ETV6: variants seen among roughly 807,000 people sequenced by gnomAD.
The protein encoded by ETV6 is ETS variant transcription factor 6.
A neutral mutation model predicts 51.1 loss-of-function variants in ETV6; 16 were observed. The ratio of observed to expected loss-of-function variants is 0.31; its 90% CI spans 0.21 to 0.48. The LOEUF is 0.48. Ranked by LOEUF, ETV6 falls within the 20% of genes least tolerant of loss-of-function variation. The pLI is 0.99. For synonymous variants in ETV6, 240 were observed against 224.1 expected (o/e 1.07, Z -0.64); for missense variants, 458 against 594.8 (o/e 0.77, Z 2.39).
intron 1 of ETV6, among the ~76,000 whole-genome samples, chr12:11,666,794 G>A (rs1183323062): frequency 6.6e-6 from 1 of 152,200 alleles, no homozygotes; most frequent in South Asian, 2.1e-4. Context: ...TTTCCTGACC[G>A]CCTGCTGGGG....
intron 1 of ETV6, among the ~76,000 whole-genome samples, chr12:11,702,097 CAG>C (rs949489623): frequency 3.5e-4 from 54 of 152,122 alleles, no homozygotes; most frequent in South Asian, 8.3e-4. Flanking sequence ...TGTGGGTTGA[CAG>C]GGGGGTGTGA....
intron 1 of ETV6, among the ~76,000 whole-genome samples, chr12:11,728,578 T>C (rs1865535008): frequency 6.6e-6 from 1 of 152,012 alleles, no homozygotes; most frequent in East Asian, 1.9e-4. Context: ...CGTGGAAAAA[T>C]GTTCTTCCAC....
chr12:11,714,649 GAAAAAAAAAAAAAA>G (rs10709538), intron 1 of ETV6, among the ~76,000 whole-genome samples: 3 of 87,090 alleles, frequency 3.4e-5, no homozygotes, highest in African/African-American at 1.5e-4. Flanking sequence ...ACCTTGAGGT[GAAAAAAAAAAAAAA>G]AAAAAAAAAG....
chr12:11,740,590 G>A (rs981977123), intron 1 of ETV6, among the ~76,000 whole-genome samples: 1 of 151,962 alleles, frequency 6.6e-6, no homozygotes, highest in Non-Finnish European at 1.5e-5. Context: ...GTTTAGAATT[G>A]CATTTTGTCT....
intron 2 of ETV6, among the ~76,000 whole-genome samples, chr12:11,809,165 C>A (rs202036168): frequency 3.5e-3 from 463 of 131,970 alleles, no homozygotes; most frequent in African/African-American, 4.2e-3. Context: ...GACCCTGTGT[C>A]AAAAAAAAAA....
intron 1 of ETV6, among the ~76,000 whole-genome samples, chr12:11,665,022 A>G (rs1334496992): frequency 6.6e-6 from 1 of 152,158 alleles, no homozygotes; most frequent in African/African-American, 2.4e-5. Flanking sequence ...CACATAATGA[A>G]CTTTTTTCTC....
At chr12:11,841,766 A>G (rs1263959774) in intron 3 of ETV6, among the ~76,000 whole-genome samples, 9 of 152,178 alleles carry the variant, frequency 5.9e-5, no homozygotes, top group Admixed American at 5.9e-4. Flanking sequence ...GGCAAACAAG[A>G]AGGAGATGAG....
intron 2 of ETV6, among the ~76,000 whole-genome samples, chr12:11,757,107 G>A (rs1049822882): frequency 3.9e-5 from 6 of 152,054 alleles, no homozygotes; most frequent in African/African-American, 1.2e-4. Context: ...CATAATAGCC[G>A]CTCGGCGTTT....
At chr12:11,751,984 A>G in intron 1 of ETV6, 1 of 331,968 alleles carries the variant, frequency 3.0e-6, no homozygotes, top group Non-Finnish European at 6.0e-6. Flanking sequence ...TGATCAGCTC[A>G]CTATGGAAGT....
intron 1 of ETV6, among the ~76,000 whole-genome samples, chr12:11,723,932 G>A (rs2120939796): frequency 6.7e-6 from 1 of 148,532 alleles, no homozygotes; most frequent in Non-Finnish European, 1.5e-5. Context: ...GGTCTGGGAG[G>A]GCCGGACCTA....
At chr12:11,728,897 C>T (rs540894349) in intron 1 of ETV6, among the ~76,000 whole-genome samples, 85 of 152,244 alleles carry the variant, frequency 5.6e-4, no homozygotes, top group Non-Finnish European at 1.2e-3. Context: ...AGTCTTTAGC[C>T]GTATACCTAC....
At chr12:11,760,193 T>C (rs1310459823) in intron 2 of ETV6, among the ~76,000 whole-genome samples, 1 of 152,264 alleles carries the variant, frequency 6.6e-6, no homozygotes, top group African/African-American at 2.4e-5. Flanking sequence ...TTAGTCACAC[T>C]GCCCCAATAT....
chr12:11,724,794 G>A (rs1015299242), intron 1 of ETV6, among the ~76,000 whole-genome samples: 3 of 152,196 alleles, frequency 2.0e-5, no homozygotes, highest in Admixed American at 6.5e-5. Flanking sequence ...GTCTGGCTGT[G>A]AGGTCCTTGC....
intron 5 of ETV6, among the ~76,000 whole-genome samples, chr12:11,873,059 A>G (rs955079018): frequency 6.6e-5 from 10 of 152,242 alleles, no homozygotes; most frequent in Admixed American, 2.0e-4. Flanking sequence ...GTATAACACA[A>G]TGTCCTAAAA....
At chr12:11,678,675 A>C (rs147684519) in intron 1 of ETV6, among the ~76,000 whole-genome samples, 1 of 152,204 alleles carries the variant, frequency 6.6e-6, no homozygotes, top group East Asian at 1.9e-4. Context: ...GGCTCACGTG[A>C]TTATGGAGAC....
intron 4 of ETV6, among the ~76,000 whole-genome samples, chr12:11,855,141 A>C (rs79895343): frequency 3.4e-5 from 2 of 59,400 alleles, no homozygotes; most frequent in Non-Finnish European, 1.3e-4. Flanking sequence ...TAAAAATACA[A>C]AAAAAAAAAA....
In ETV6 at chr12:11,893,390, TC is replaced by T. The variant is rs2136623690; in HGVS notation, c.*2347del. ...TAACAGTTGAATTATGGAGGGAAAT[TC>T]CCTTTTGCCCCAAGCATTTCTATAT... is the stretch of plus-strand genomic sequence containing the variant. On this transcript the variant is annotated 3_prime_UTR_variant, in exon 8 of 8. Transcript: ENST00000396373. 1 of 232,282 alleles carries T rather than the reference TC, an allele frequency of 4.3e-6. No individual in the cohort carries two copies. The highest frequency in any genetic ancestry group is 6.1e-5 in the East Asian group (1 of 16,390). The allele number at this position is 232,282 out of a possible 1,614,324, so 14.4% of individuals were successfully genotyped here.
rs150849340 is a variant in ETV6, at chr12:11,864,694, G to A, written c.464-4730G>A. Reference sequence around the variant, plus strand: ...AGCATTTCTATGCATTTGGGTTAAAGTGAGGAAGTTAGTGCTTGTCTTTCC... The same window carrying A: ...AGCATTTCTATGCATTTGGGTTAAAATGAGGAAGTTAGTGCTTGTCTTTCC... On this transcript the variant is annotated intron_variant, in intron 4 of 7. Coordinates refer to ENST00000396373, the MANE Select transcript of ETV6 (RefSeq NM_001987.5). Among the ~76,000 whole-genome samples, 406 of 152,188 alleles carry A rather than the reference G, an allele frequency of 2.7e-3. 4 individuals carry two copies. Among genetic ancestry groups the A allele is most frequent in the African/African-American group, 9.1e-3 (377 of 41,514 alleles).
chr12:11,851,201 TC>T (rs1946548161), intron 3 of ETV6, among the ~76,000 whole-genome samples: 1 of 149,062 alleles, frequency 6.7e-6, no homozygotes, highest in Admixed American at 6.7e-5. Context: ...TTTCCTGGCC[TC>T]CCCTTCCAAA....
Sources: gnomAD v4.1 joint callset for allele counts (sites outside exome capture counted in the v4.1 genomes callset) on GRCh38, gnomAD v4.1.1 for gene constraint, MANE v1.5 for transcripts, NCBI Gene and HGNC (gene_info 2026-07-23, HGNC 2026-07-21) for gene names.